Variants in TMEM179 observed in about 807,000 individuals in gnomAD.
TMEM179 encodes the protein transmembrane protein 179A.
Under a neutral mutation model 22.2 loss-of-function variants are expected in TMEM179, and 17 were observed. The observed-to-expected ratio is 0.77, with a 90% confidence interval of 0.52 to 1.15. TMEM179 has a LOEUF of 1.15. TMEM179 is among the 50% of genes most tolerant of loss of function. TMEM179 has a pLI of 0.00. For missense variants in TMEM179, 265 were observed against 313.6 expected, an observed-to-expected ratio of 0.84 and a Z score of 1.17; for synonymous variants, 127 against 140.5, an observed-to-expected ratio of 0.90 and a Z score of 0.68.
chr14:104,601,919 G>A (rs900801539), intron 1 of TMEM179, among the ~76,000 whole-genome samples: 1 of 152,126 alleles, frequency 6.6e-6, no homozygotes, highest in South Asian at 2.1e-4. Context: ...ATACCAGGCC[G>A]TCTAAGGCTT....
Position 104,593,513 on chromosome 14 carries a change from G to A in TMEM179, c.668C>T (p.Thr223Ile), listed in dbSNP as rs1456100370. 2 of 1,535,824 alleles carry A rather than the reference G, an allele frequency of 1.3e-6. No individual in the cohort carries two copies. The highest frequency in any genetic ancestry group is 1.7e-6 in the Non-Finnish European group (2 of 1,146,778). ...AGCGCTCTTCTCCTCTTGGAAGGAGGTGCGTGGGGACGGCCGGGCCAGCAG... is the reference window on the plus strand; with the variant it reads ...AGCGCTCTTCTCCTCTTGGAAGGAGATGCGTGGGGACGGCCGGGCCAGCAG... The part of the protein sequence containing the change: ...ELLLARPSPR[T>I]SFQEEKSAVI Residue 223 changes from threonine to isoleucine, a missense_variant, in exon 4 of 4, where the codon ACC (threonine) becomes ATC (isoleucine). Transcript: ENST00000556573.
rs1313598235 is a variant in TMEM179, at chr14:104,604,002, C to A, written c.305+435G>T. On this transcript the variant is annotated intron_variant, in intron 1 of 3. Transcript: ENST00000556573. The surrounding 1 kb of genome is among the most constrained non-coding windows in gnomAD (Gnocchi z 4.6). ...CCGTCCCTTTCCCGGGGCGATGGTGCCGGGTGGGGCTCCCCAGTTCGCCTT... is the reference window on the plus strand; with the variant it reads ...CCGTCCCTTTCCCGGGGCGATGGTGACGGGTGGGGCTCCCCAGTTCGCCTT... Among the ~76,000 whole-genome samples, 2 of 152,174 alleles carry A rather than the reference C, an allele frequency of 1.3e-5. No homozygotes were observed. The highest frequency in any genetic ancestry group is 3.9e-4 in the East Asian group (2 of 5,178).
rs1887294854 is a variant in TMEM179 at position 104,603,161 on chromosome 14, G to A, written c.305+1276C>T. 2.0e-5 allele frequency among the ~76,000 whole-genome samples: 3 copies of A among 152,172 alleles called. No homozygotes were observed. The South Asian group carries it at 6.2e-4, about 31-fold the overall frequency. On this transcript the variant is annotated intron_variant, in intron 1 of 3. Coordinates refer to ENST00000556573, the MANE Select transcript of TMEM179 (RefSeq NM_001286389.2). ...CTGGGATTCTCATTCCTCCTCCAGA[G>A]TTTGCAGCCCCACTCAGCATAGCCC...
At position 104,592,546 on chromosome 14, in the gene TMEM179, TCACA is replaced by T. The variant is rs542039646; in HGVS notation, c.*929_*932del. On this transcript the variant is annotated 3_prime_UTR_variant, in exon 4 of 4. Coordinates refer to ENST00000556573, the MANE Select transcript of TMEM179 (RefSeq NM_001286389.2). ...TGCACACTCATATCCTCCCATGCAG[TCACA>T]CACTCTCACATGCAGTCACACCCTC... The T allele has an allele frequency of 6.5e-6, 1 of 153,478 alleles. No homozygotes were observed. The highest frequency in any genetic ancestry group is 1.5e-5 in the Non-Finnish European group (1 of 68,918). 9.5% of individuals were successfully genotyped at this position (153,478 alleles called of 1,614,324 possible). A position where few individuals can be genotyped will look rare whatever the true frequency, so the allele number is the denominator to read the frequency against.
At chr14:104,599,626 G>A (rs1823330486) in intron 1 of TMEM179, among the ~76,000 whole-genome samples, 1 of 152,206 alleles carries the variant, frequency 6.6e-6, no homozygotes, top group Non-Finnish European at 1.5e-5. Context: ...GCGGAACGCA[G>A]TAAGCCCGCC....
intron 3 of TMEM179, 78 bp from the exon 4 acceptor site, chr14:104,593,736 G>T: frequency 7.1e-7 from 1 of 1,404,922 alleles, no homozygotes; most frequent in Non-Finnish European, 9.3e-7. Context: ...CAGCCCCCAG[G>T]CTCTGCTCTG....
intron 2 of TMEM179, among the ~76,000 whole-genome samples, chr14:104,596,728 T>C (rs1181080452): frequency 1.3e-5 from 2 of 152,132 alleles, no homozygotes; most frequent in African/African-American, 4.8e-5. Flanking sequence ...CACCCCCAGC[T>C]GTATCCAGCC....
Position 104,597,479 on chromosome 14 carries a change from C to CTCTGG in TMEM179, c.306-353_306-352insCCAGA, listed in dbSNP as rs1887074134. The stretch of plus-strand genomic sequence containing the variant: ...ACACCCTTCCAAAGCCGTCCAGCCA[C>CTCTGG]AGTCACCAGCAACTCTGGCCCAGGT... On this transcript the variant is annotated intron_variant, in intron 1 of 3. Coordinates refer to ENST00000556573, the MANE Select transcript of TMEM179 (RefSeq NM_001286389.2). The surrounding 1 kb of genome is among the most constrained non-coding windows in gnomAD (Gnocchi z 4.8). 2.0e-5 allele frequency among the ~76,000 whole-genome samples: 3 copies of CTCTGG among 152,206 alleles called. No homozygotes were observed. The highest frequency in any genetic ancestry group is 4.8e-5 in the African/African-American group (2 of 41,442).
At chr14:104,594,352 C>T (rs1314127987) in intron 3 of TMEM179, 21 of 1,231,654 alleles carry the variant, frequency 1.7e-5, no homozygotes, top group Non-Finnish European at 2.0e-6. Flanking sequence ...CCAGCCACGG[C>T]CAGCAAGAGC....
Position 104,604,111 on chromosome 14 carries a change from G to T in TMEM179, c.305+326C>A, listed in dbSNP as rs1887334696. ...GTCCTGGCGAGTGTGGCCCGGCTGA[G>T]CCCGCCCAGGAAGGTCCAGGCCTGC... On this transcript the variant is annotated intron_variant, in intron 1 of 3. Transcript: ENST00000556573. The surrounding 1 kb of genome is among the most constrained non-coding windows in gnomAD (Gnocchi z 4.6). Among the ~76,000 whole-genome samples the T allele has an allele frequency of 6.6e-6, 1 of 152,218 alleles. No individual in the cohort carries two copies. The highest frequency in any genetic ancestry group is 2.4e-5 in the African/African-American group (1 of 41,458).
chr14:104,596,854 G>GGAACAGT, intron 2 of TMEM179, 136 bp downstream of exon 2: 1 of 1,142,958 alleles, frequency 8.7e-7, no homozygotes, highest in East Asian at 2.4e-5. Flanking sequence ...CACAGGCAGG[G>GGAACAGT]GCACAGTGCA....
At position 104,601,862 on chromosome 14, in the gene TMEM179, C is replaced by T. The variant is rs60391920; in HGVS notation, c.305+2575G>A. Among the ~76,000 whole-genome samples, 319 of 152,216 alleles carry T rather than the reference C, an allele frequency of 2.1e-3. 3 individuals are homozygous for T. The highest frequency in any genetic ancestry group is 7.1e-3 in the African/African-American group (296 of 41,542). ...CCATGGTGAGCCTCCACAATGTAGC[C>T]CCCCTCGACAACCCTAACCCTCACC... On this transcript the variant is annotated intron_variant, in intron 1 of 3. Coordinates refer to ENST00000556573, the MANE Select transcript of TMEM179 (RefSeq NM_001286389.2).
chr14:104,596,479 T>G (rs566741202), intron 2 of TMEM179, among the ~76,000 whole-genome samples: 13 of 152,312 alleles, frequency 8.5e-5, no homozygotes, highest in African/African-American at 3.1e-4. Context: ...CCTCTGCTCC[T>G]GTTCTTCACC....
At chr14:104,601,162 T>C (rs1887224937) in intron 1 of TMEM179, among the ~76,000 whole-genome samples, 1 of 152,214 alleles carries the variant, frequency 6.6e-6, no homozygotes. Context: ...TGAGTTGGAA[T>C]TGGCTGCTCT....
At chr14:104,593,733 C>T (rs1886920340) in intron 3 of TMEM179, 75 bp from the exon 4 acceptor site, 1 of 1,412,424 alleles carries the variant, frequency 7.1e-7, no homozygotes, top group Admixed American at 3.0e-5. Context: ...CACCAGCCCC[C>T]AGGCTCTGCT....
chr14:104,599,815 C>G (rs985178643), intron 1 of TMEM179, among the ~76,000 whole-genome samples: 1 of 152,084 alleles, frequency 6.6e-6, no homozygotes, highest in Non-Finnish European at 1.5e-5. Flanking sequence ...CAGGGTCTTT[C>G]AGACCCTGAA....
At chr14:104,603,742 A>T (rs983278620) in intron 1 of TMEM179, among the ~76,000 whole-genome samples, 1 of 152,146 alleles carries the variant, frequency 6.6e-6, no homozygotes, top group Admixed American at 6.5e-5. Context: ...GTGGGCCCCC[A>T]GAGGGCCCCC....
chr14:104,603,154 C>T (rs1320709875), intron 1 of TMEM179, among the ~76,000 whole-genome samples: 1 of 152,210 alleles, frequency 6.6e-6, no homozygotes, highest in Non-Finnish European at 1.5e-5. Context: ...CTCATTCCTC[C>T]TCCAGAGTTT....
rs1485449073 is a variant in TMEM179, at chr14:104,592,675, A to C, written c.*804T>G. On this transcript the variant is annotated 3_prime_UTR_variant, in exon 4 of 4. Transcript: ENST00000556573. The stretch of plus-strand genomic sequence containing the variant: ...ATCCTCTCATGCACTCATATACACA[A>C]TCACACCCTCCCATGCACAAAGGCA... Among the ~76,000 whole-genome samples, 1 of 151,350 alleles carries C rather than the reference A, an allele frequency of 6.6e-6. No individual in the cohort carries two copies.
Sources: allele counts gnomAD v4.1 joint callset (sites outside exome capture counted in the v4.1 genomes callset), GRCh38; gene constraint gnomAD v4.1.1; non-coding constraint Gnocchi (gnomAD v3.1); transcripts MANE v1.5; gene names NCBI Gene and HGNC (gene_info 2026-07-23, HGNC 2026-07-21).